The following MACROD2 variants were observed in gnomAD, a reference collection of about 807,000 sequenced individuals.
MACROD2 encodes the protein ADP-ribose glycohydrolase MACROD2.
In MACROD2, 36 loss-of-function variants were observed where a neutral mutation model predicts 70.4. That is an observed-to-expected ratio of 0.51 (90% CI 0.39 to 0.68). The LOEUF (loss-of-function observed/expected upper bound fraction) is 0.68. MACROD2 is among the 30% of genes least tolerant of loss of function. The probability of loss-of-function intolerance (pLI) is 0.00; values close to 1 mark genes in which losing one functional copy is unlikely to be tolerated. For synonymous variants in MACROD2, 172 were observed against 178.8 expected, an observed-to-expected ratio of 0.96 and a Z score of 0.30; for missense variants, 496 against 538.4, an observed-to-expected ratio of 0.92 and a Z score of 0.78.
At chr20:15,734,782 T>C (rs1312798546) in intron 8 of MACROD2, among the ~76,000 whole-genome samples, 1 of 152,242 alleles carries the variant, frequency 6.6e-6, no homozygotes, top group Non-Finnish European at 1.5e-5. Context: ...TTTTCTTTAA[T>C]AAACCTATCC....
At chr20:14,440,398 A>G (rs1193319897) in intron 3 of MACROD2, among the ~76,000 whole-genome samples, 1 of 151,740 alleles carries the variant, frequency 6.6e-6, no homozygotes, top group Non-Finnish European at 1.5e-5. Context: ...GTGTTACTGT[A>G]TTTTATGCGT....
At chr20:15,206,954 C>T (rs1490421302) in intron 5 of MACROD2, among the ~76,000 whole-genome samples, 2 of 149,466 alleles carry the variant, frequency 1.3e-5, no homozygotes, top group African/African-American at 2.5e-5. Context: ...GCCAGGATGG[C>T]CTCGATCTCC....
intron 8 of MACROD2, among the ~76,000 whole-genome samples, chr20:15,519,586 T>C (rs2047622949): frequency 6.6e-6 from 1 of 152,236 alleles, no homozygotes; most frequent in African/African-American, 2.4e-5. Flanking sequence ...AGAAATACAA[T>C]TGAGGCAATT....
chr20:16,039,886 T>C (rs956065868), intron 15 of MACROD2, among the ~76,000 whole-genome samples: 1 of 151,814 alleles, frequency 6.6e-6, no homozygotes, highest in Non-Finnish European at 1.5e-5. Flanking sequence ...CCATGAGTCC[T>C]TTTTTTCCCT....
At chr20:15,491,067 G>C (rs2047225682) in intron 7 of MACROD2, among the ~76,000 whole-genome samples, 1 of 152,162 alleles carries the variant, frequency 6.6e-6, no homozygotes, top group South Asian at 2.1e-4. Context: ...CTACTAAGTA[G>C]AGTGACTTAT....
Position 14,120,660 on chromosome 20 carries a change from G to GAT in MACROD2, c.271+34945_271+34946dup, listed in dbSNP as rs112312884. 1.7e-3 allele frequency among the ~76,000 whole-genome samples: 249 copies of GAT among 149,360 alleles called. 1 individual carries two copies. The highest frequency in any genetic ancestry group is 5.2e-3 in the African/African-American group (210 of 40,612). On this transcript the variant is annotated intron_variant, in intron 3 of 17. Coordinates refer to ENST00000684519, the MANE Select transcript of MACROD2 (RefSeq NM_001351661.2). Reference sequence around the variant, plus strand: ...ATGATAGACTAGATAAAGAAAATGTGATATATATATATATCACATGTATTA... The same window carrying GAT: ...ATGATAGACTAGATAAAGAAAATGTGATATATATATATATATCACATGTATTA...
At chr20:15,988,764 C>A (rs150791913) in intron 15 of MACROD2, among the ~76,000 whole-genome samples, 2 of 152,276 alleles carry the variant, frequency 1.3e-5, no homozygotes, top group East Asian at 3.9e-4. Context: ...ATGACTAATG[C>A]TGGTAGTCTT....
intron 6 of MACROD2, among the ~76,000 whole-genome samples, chr20:15,407,347 C>T (rs959636273): frequency 2.6e-5 from 4 of 152,138 alleles, no homozygotes; most frequent in Non-Finnish European, 5.9e-5. Flanking sequence ...TCAGAGCACC[C>T]CCAACAGGAT....
At chr20:15,984,710 A>C (rs2147462914) in intron 13 of MACROD2, among the ~76,000 whole-genome samples, 1 of 151,492 alleles carries the variant, frequency 6.6e-6, no homozygotes, top group Non-Finnish European at 1.5e-5. Flanking sequence ...ACAAGATTAG[A>C]AGTTACTATA....
chr20:14,190,694 A>AT (rs2081378382), intron 3 of MACROD2, among the ~76,000 whole-genome samples: 3 of 38,986 alleles, frequency 7.7e-5, no homozygotes, highest in East Asian at 8.0e-4. Context: ...ATATATATAT[A>AT]TATATTTTTT....
chr20:15,173,671 G>A (rs118127595), intron 5 of MACROD2, among the ~76,000 whole-genome samples: 2,334 of 152,222 alleles, frequency 0.015, 24 homozygotes, highest in Middle Eastern at 0.037. Flanking sequence ...GGAAGTCAAA[G>A]GTTATAGCTT....
chr20:14,463,296 A>G (rs1409532628), intron 3 of MACROD2, among the ~76,000 whole-genome samples: 1 of 152,010 alleles, frequency 6.6e-6, no homozygotes, highest in Non-Finnish European at 1.5e-5. Flanking sequence ...TCTTTGAAGC[A>G]ATTGTGAATG....
At chr20:16,012,261 G>C (rs1255214758) in intron 15 of MACROD2, among the ~76,000 whole-genome samples, 1 of 152,104 alleles carries the variant, frequency 6.6e-6, no homozygotes, top group East Asian at 1.9e-4. Context: ...CTGGGTCTTT[G>C]GCCTTTTCCC....
In MACROD2 at chr20:15,626,818, G is replaced by T. The variant is rs183324931; in HGVS notation, c.645+126971G>T. 6.6e-3 allele frequency among the ~76,000 whole-genome samples: 998 copies of T among 152,222 alleles called. 6 individuals carry two copies. Among genetic ancestry groups the T allele is most frequent in the Non-Finnish European group, 0.01 (701 of 68,016 alleles). ...TGCAGTGAGCTGAGATTGTGCCACT[G>T]CACTCCAGCCTGGGCAACAGAACAA... On this transcript the variant is annotated intron_variant, in intron 8 of 17. Coordinates refer to ENST00000684519, the MANE Select transcript of MACROD2 (RefSeq NM_001351661.2).
intron 2 of MACROD2, among the ~76,000 whole-genome samples, chr20:14,059,130 C>A (rs1411680400): frequency 6.6e-6 from 1 of 152,156 alleles, no homozygotes; most frequent in Non-Finnish European, 1.5e-5. Flanking sequence ...ATTAAAGATA[C>A]ATTAATTTCC....
chr20:15,485,398 C>T (rs1177573139), intron 7 of MACROD2, among the ~76,000 whole-genome samples: 4 of 152,106 alleles, frequency 2.6e-5, no homozygotes, highest in Non-Finnish European at 4.4e-5. Context: ...ATGAGCACAT[C>T]CTGAACTTCT....
intron 3 of MACROD2, among the ~76,000 whole-genome samples, chr20:14,286,236 A>T (rs1295401968): frequency 6.6e-6 from 1 of 152,014 alleles, no homozygotes; most frequent in Non-Finnish European, 1.5e-5. Flanking sequence ...ATGCCACCAA[A>T]CTTATGGGAG....
chr20:13,998,471 T>C (rs1411394112), intron 1 of MACROD2, among the ~76,000 whole-genome samples: 1 of 152,206 alleles, frequency 6.6e-6, no homozygotes, highest in Non-Finnish European at 1.5e-5. Flanking sequence ...ATAATGTCTT[T>C]TAACCTGCTC....
chr20:14,055,957 C>T (rs1343296793), intron 2 of MACROD2, among the ~76,000 whole-genome samples: 1 of 151,988 alleles, frequency 6.6e-6, no homozygotes, highest in Non-Finnish European at 1.5e-5. Flanking sequence ...TAATGGATGC[C>T]AGTTTTTAAT....
Sources: gnomAD v4.1 joint callset for allele counts (sites outside exome capture counted in the v4.1 genomes callset) on GRCh38, gnomAD v4.1.1 for gene constraint, MANE v1.5 for transcripts, NCBI Gene and HGNC (gene_info 2026-07-23, HGNC 2026-07-21) for gene names.